The following DPYSL2 variants were observed in gnomAD, a reference collection of about 807,000 sequenced individuals.
The protein encoded by DPYSL2 is dihydropyrimidinase like 2.
In DPYSL2, 13 loss-of-function variants were observed where a neutral mutation model predicts 69.9. The observed-to-expected ratio is 0.19, with a 90% CI of 0.12 to 0.30. The LOEUF (loss-of-function observed/expected upper bound fraction) is 0.30. DPYSL2 is among the 10% of genes least tolerant of loss of function. DPYSL2 has a pLI of 1.00. For synonymous variants in DPYSL2, 326 were observed against 359.1 expected (o/e 0.91, Z 1.04); for missense variants, 587 against 918.9 (o/e 0.64, Z 4.67).
intron 1 of DPYSL2, among the ~76,000 whole-genome samples, chr8:26,535,714 G>A (rs1364878922): frequency 6.6e-6 from 1 of 151,734 alleles, no homozygotes; most frequent in Non-Finnish European, 1.5e-5. Context: ...ACTTAGATGA[G>A]CTGGTCAAGA....
intron 4 of DPYSL2, among the ~76,000 whole-genome samples, chr8:26,625,123 C>G (rs116112552): frequency 6.6e-6 from 1 of 152,100 alleles, no homozygotes; most frequent in Non-Finnish European, 1.5e-5. Flanking sequence ...GAAAATGCCC[C>G]GGAATGAAAA....
chr8:26,601,752 G>T (rs1585537869), intron 3 of DPYSL2, among the ~76,000 whole-genome samples: 1 of 152,352 alleles, frequency 6.6e-6, no homozygotes, highest in African/African-American at 2.4e-5. Context: ...TGAAACAGGA[G>T]AATTTTTACT....
Position 26,564,610 on chromosome 8 carries a change from C to T in DPYSL2, c.355-17359C>T, listed in dbSNP as rs930363943. Among the ~76,000 whole-genome samples the T allele has an allele frequency of 6.6e-6, 1 of 152,096 alleles. No homozygotes were observed. Among genetic ancestry groups the T allele is most frequent in the African/African-American group, 2.4e-5 (1 of 41,386 alleles). ...CACTGGGCTCTCCAGCCAGACTGAG[C>T]TCATGAGAACACGATTGAGGATGAC... On this transcript the variant is annotated intron_variant, in intron 1 of 13. Transcript: ENST00000521913. This position sits in a 1 kb window ranked among gnomAD's most constrained non-coding sequence, Gnocchi z 4.8.
rs1051533515 is a variant in DPYSL2 at position 26,560,162 on chromosome 8, G to A, written c.355-21807G>A. ...GTAATAATTAATCAGGAGCAGACGC[G>A]ACCATTCCCGACGGCCTTGGCAGCT... is the stretch of plus-strand genomic sequence containing the variant. On this transcript the variant is annotated intron_variant, in intron 1 of 13. Coordinates refer to ENST00000521913, the MANE Select transcript of DPYSL2 (RefSeq NM_001197293.3). This position sits in a 1 kb window ranked among gnomAD's most constrained non-coding sequence, Gnocchi z 4.4. 1.3e-5 allele frequency among the ~76,000 whole-genome samples: 2 copies of A among 152,190 alleles called. No individual in the cohort carries two copies. Among genetic ancestry groups the A allele is most frequent in the Non-Finnish European group, 2.9e-5 (2 of 68,038 alleles).
intron 3 of DPYSL2, among the ~76,000 whole-genome samples, chr8:26,622,470 G>A (rs80330874): frequency 3.1e-5 from 3 of 97,054 alleles, no homozygotes; most frequent in South Asian, 3.9e-4. Context: ...GTGTGTGTGT[G>A]TGTATATGTG....
At chr8:26,577,360 G>C (rs912417539) in intron 1 of DPYSL2, 7 of 181,998 alleles carry the variant, frequency 3.8e-5, no homozygotes, top group Non-Finnish European at 7.9e-5. Context: ...CGCCAGGGCG[G>C]GGGCCAGGCG....
At chr8:26,572,801 G>A (rs1185952469) in intron 1 of DPYSL2, among the ~76,000 whole-genome samples, 1 of 152,146 alleles carries the variant, frequency 6.6e-6, no homozygotes, top group Non-Finnish European at 1.5e-5. Context: ...GCCTGGTCAG[G>A]AATGAGTAAG....
At chr8:26,549,226 A>AATC (rs1554534410) in intron 1 of DPYSL2, among the ~76,000 whole-genome samples, 3 of 145,422 alleles carry the variant, frequency 2.1e-5, no homozygotes, top group South Asian at 2.1e-4. Flanking sequence ...TAATAATAAT[A>AATC]ATCAAAAGGA....
intron 1 of DPYSL2, among the ~76,000 whole-genome samples, chr8:26,537,611 T>TCTACACACACACAC (rs141281802): frequency 2.0e-4 from 29 of 147,654 alleles, no homozygotes; most frequent in Non-Finnish European, 3.3e-4. Flanking sequence ...ATTCTCTCTC[T>TCTACACACACACAC]ACACACACAC....
rs985102800 is a variant in DPYSL2 at position 26,627,479 on chromosome 8, G to A, written c.936+184G>A. Among the ~76,000 whole-genome samples the A allele has an allele frequency of 5.3e-5, 8 of 152,114 alleles. No individual in the cohort carries two copies. The highest frequency in any genetic ancestry group is 1.9e-4 in the African/African-American group (8 of 41,432). ...ATGCCAGTGACACACGTGCCTCTCCGTGTGTGCCACAGAACATCTAAGTCA... is the reference window on the plus strand; with the variant it reads ...ATGCCAGTGACACACGTGCCTCTCCATGTGTGCCACAGAACATCTAAGTCA... On this transcript the variant is annotated intron_variant, in intron 6 of 13. Transcript: ENST00000521913. This position sits in a 1 kb window ranked among gnomAD's most constrained non-coding sequence, Gnocchi z 6.9.
At chr8:26,584,022 G>A (rs1156882031) in intron 3 of DPYSL2, 39 bp downstream of exon 3, 2 of 1,571,948 alleles carry the variant, frequency 1.3e-6, no homozygotes, top group Non-Finnish European at 1.7e-6. Flanking sequence ...TGCTTAGGAA[G>A]TGTGAGAGTT....
rs1803041334 is a variant in DPYSL2, at chr8:26,641,364, A to G, written c.1127-2075A>G. On this transcript the variant is annotated intron_variant, in intron 8 of 13. Transcript: ENST00000521913. The surrounding 1 kb of genome is among the most constrained non-coding windows in gnomAD (Gnocchi z 4.1). ...ACACAGCCCTCACCTTTGTGCTTAG[A>G]TGGACTGTGGCCAGCGGGACCTCCA... 6.6e-6 allele frequency among the ~76,000 whole-genome samples: 1 copy of G among 152,214 alleles called. No individual in the cohort carries two copies. Among genetic ancestry groups the G allele is most frequent in the Non-Finnish European group, 1.5e-5 (1 of 68,046 alleles).
chr8:26,555,178 C>T (rs1260145794), intron 1 of DPYSL2, among the ~76,000 whole-genome samples: 1 of 152,046 alleles, frequency 6.6e-6, no homozygotes, highest in African/African-American at 2.4e-5. Context: ...CATAAACTTT[C>T]CTGCTAACAA....
At chr8:26,543,771 G>A (rs1800721140) in intron 1 of DPYSL2, among the ~76,000 whole-genome samples, 1 of 152,228 alleles carries the variant, frequency 6.6e-6, no homozygotes, top group Admixed American at 6.5e-5. Flanking sequence ...ACAGGCGTGA[G>A]CCACCGCGCC....
rs1227930477 is a variant in DPYSL2, at chr8:26,626,726, T to G, written c.855+48T>G. 6.3e-7 allele frequency: 1 copy of G among 1,593,614 alleles called. No homozygotes were observed. ...AGAGGCACCCTGACATTTGGTACCT[T>G]CAGGCTGTGGCCGTTTGGGAAAGCA... On this transcript the variant is annotated intron_variant, in intron 5 of 13. Transcript: ENST00000521913. The surrounding 1 kb of genome is among the most constrained non-coding windows in gnomAD (Gnocchi z 4.3).
rs1160222470 is a variant in DPYSL2, at chr8:26,598,205, A to T, written c.628+14222A>T. Among the ~76,000 whole-genome samples the T allele has an allele frequency of 1.3e-5, 2 of 152,180 alleles. No homozygotes were observed. Among genetic ancestry groups the T allele is most frequent in the Non-Finnish European group, 2.9e-5 (2 of 68,034 alleles). ...AAGCTTTTTATATTGACCCGTGGCT[A>T]CTGTGGTATTCGAAGGGCTAAATTT... On this transcript the variant is annotated intron_variant, in intron 3 of 13. Transcript: ENST00000521913. This position sits in a 1 kb window ranked among gnomAD's most constrained non-coding sequence, Gnocchi z 4.2.
At chr8:26,581,819 A>T in intron 1 of DPYSL2, 150 bp from the exon 2 acceptor site, 1 of 627,864 alleles carries the variant, frequency 1.6e-6, no homozygotes, top group Non-Finnish European at 2.8e-6. Flanking sequence ...TGCCACATAC[A>T]GGCTTACCTT....
Position 26,591,976 on chromosome 8 carries a change from T to TA in DPYSL2, c.628+7995dup, listed in dbSNP as rs1271083411. 6.6e-6 allele frequency among the ~76,000 whole-genome samples: 1 copy of TA among 151,916 alleles called. No individual in the cohort carries two copies. Among genetic ancestry groups the TA allele is most frequent in the Non-Finnish European group, 1.5e-5 (1 of 67,978 alleles). On this transcript the variant is annotated intron_variant, in intron 3 of 13. Coordinates refer to ENST00000521913, the MANE Select transcript of DPYSL2 (RefSeq NM_001197293.3). This position sits in a 1 kb window ranked among gnomAD's most constrained non-coding sequence, Gnocchi z 5.8. ...CCACGGAGTCGCTTAAGAAAACACC[T>TA]AACCACACTGTAAGTTTTTAGTAGT...
chr8:26,569,354 C>CAA (rs771471331), intron 1 of DPYSL2, among the ~76,000 whole-genome samples: 4,570 of 51,782 alleles, frequency 0.088, 231 homozygotes, highest in South Asian at 0.15. Context: ...ACCCTATCTC[C>CAA]AAAAAAAAAA....
Sources: allele counts gnomAD v4.1 joint callset (sites outside exome capture counted in the v4.1 genomes callset), GRCh38; gene constraint gnomAD v4.1.1; non-coding constraint Gnocchi (gnomAD v3.1); transcripts MANE v1.5; gene names NCBI Gene and HGNC (gene_info 2026-07-23, HGNC 2026-07-21).